Variants in AKAP19 observed in about 807,000 individuals in gnomAD.
AKAP19 encodes A-kinase anchoring protein 19.
chr2:190,018,115 T>G, the AKAP19 span, among the ~76,000 whole-genome samples: 1 of 152,166 alleles, frequency 6.6e-6, no homozygotes, highest in Non-Finnish European at 1.5e-5. Flanking sequence ...GATTCTTATG[T>G]GTCATGGTGA....
chr2:189,928,484 A>C, the AKAP19 span, among the ~76,000 whole-genome samples: 1 of 152,160 alleles, frequency 6.6e-6, no homozygotes, highest in Non-Finnish European at 1.5e-5. Flanking sequence ...ATCACAGATA[A>C]TATTTCACAA....
the AKAP19 span, among the ~76,000 whole-genome samples, chr2:190,007,762 AC>A: frequency 5.5e-4 from 84 of 152,274 alleles, no homozygotes; most frequent in African/African-American, 1.9e-3. Flanking sequence ...GGAGTTCGAG[AC>A]CAGCCGGGGC....
chr2:190,184,713 G>A, the AKAP19 span, among the ~76,000 whole-genome samples: 1 of 152,120 alleles, frequency 6.6e-6, no homozygotes, highest in Non-Finnish European at 1.5e-5. Flanking sequence ...CAGGGGAAAG[G>A]GTGCTGGGTG....
At chr2:190,022,082 G>GATCCATTA in the AKAP19 span, among the ~76,000 whole-genome samples, 5,208 of 152,098 alleles carry the variant, frequency 0.034, 280 homozygotes, top group African/African-American at 0.11. Context: ...ACAAGCCATT[G>GATCCATTA]ATCCATTAAT....
At chr2:190,013,320 T>C in the AKAP19 span, among the ~76,000 whole-genome samples, 1 of 152,294 alleles carries the variant, frequency 6.6e-6, no homozygotes, top group South Asian at 2.1e-4. Context: ...TTTTCTTTCT[T>C]CATGATTCAG....
chr2:189,978,379 G>A, the AKAP19 span, among the ~76,000 whole-genome samples: 4 of 152,132 alleles, frequency 2.6e-5, no homozygotes, highest in South Asian at 2.1e-4. Flanking sequence ...ACAACAGTTT[G>A]GGAGGCTGAG....
At chr2:190,063,077 A>G in the AKAP19 span, among the ~76,000 whole-genome samples, 1 of 152,176 alleles carries the variant, frequency 6.6e-6, no homozygotes, top group African/African-American at 2.4e-5. Context: ...TATTTAAAAT[A>G]TGAAATATTA....
At chr2:190,070,475 G>C in the AKAP19 span, among the ~76,000 whole-genome samples, 1 of 151,300 alleles carries the variant, frequency 6.6e-6, no homozygotes, top group Non-Finnish European at 1.5e-5. Flanking sequence ...CATTTAATTA[G>C]ATTTAGCATG....
At chr2:189,993,082 C>T in the AKAP19 span, among the ~76,000 whole-genome samples, 2 of 152,284 alleles carry the variant, frequency 1.3e-5, no homozygotes, top group South Asian at 4.1e-4. Context: ...AGTGGGCATC[C>T]TTGTCTTGTT....
the AKAP19 span, among the ~76,000 whole-genome samples, chr2:190,075,946 C>G: frequency 6.6e-6 from 1 of 152,060 alleles, no homozygotes; most frequent in Admixed American, 6.6e-5. Flanking sequence ...TTTATCTCCA[C>G]TATTGATTTA....
the AKAP19 span, chr2:189,879,715 T>C: frequency 6.6e-6 from 1 of 152,166 alleles, no homozygotes; most frequent in Non-Finnish European, 1.5e-5. Context: ...TTACCCGGAA[T>C]TAAGGGCGAG....
chr2:189,936,823 G>T, the AKAP19 span, among the ~76,000 whole-genome samples: 1 of 152,168 alleles, frequency 6.6e-6, no homozygotes, highest in South Asian at 2.1e-4. Context: ...TTTATATGAA[G>T]CTCTAGAAAA....
the AKAP19 span, among the ~76,000 whole-genome samples, chr2:189,972,857 G>T: frequency 6.6e-6 from 1 of 152,180 alleles, no homozygotes. Context: ...TGCTAAAGTT[G>T]CTTATCAGCT....
At chr2:190,056,270 A>G in the AKAP19 span, 1 of 152,546 alleles carries the variant, frequency 6.6e-6, no homozygotes, top group Non-Finnish European at 1.5e-5. Context: ...ATAAAAAAGG[A>G]GACACTTATT....
At chr2:190,113,576 C>T in the AKAP19 span, among the ~76,000 whole-genome samples, 1 of 152,218 alleles carries the variant, frequency 6.6e-6, no homozygotes, top group African/African-American at 2.4e-5. Flanking sequence ...AAGAACCTCT[C>T]ACCCTTATGA....
At chr2:189,955,294 T>G in the AKAP19 span, among the ~76,000 whole-genome samples, 1 of 151,940 alleles carries the variant, frequency 6.6e-6, no homozygotes, top group East Asian at 1.9e-4. Flanking sequence ...CGTATTTTGT[T>G]TTTGTTTTTT....
At chr2:190,024,885 T>C in the AKAP19 span, among the ~76,000 whole-genome samples, 1 of 152,212 alleles carries the variant, frequency 6.6e-6, no homozygotes, top group Non-Finnish European at 1.5e-5. Context: ...TAAATAGCTG[T>C]CTAATGCTAG....
chr2:190,100,239 C>T, the AKAP19 span, among the ~76,000 whole-genome samples: 1 of 151,328 alleles, frequency 6.6e-6, no homozygotes, highest in African/African-American at 2.5e-5. Context: ...GAAAATATCA[C>T]CTGCAAGAAA....
chr2:189,941,657 A>C, the AKAP19 span, among the ~76,000 whole-genome samples: 1 of 152,254 alleles, frequency 6.6e-6, no homozygotes, highest in Non-Finnish European at 1.5e-5. Context: ...CCACAATGCA[A>C]AAACCTGTAA....
Sources: allele counts gnomAD v4.1 joint callset (sites outside exome capture counted in the v4.1 genomes callset), GRCh38; gene constraint gnomAD v4.1.1; transcripts MANE v1.5; gene names NCBI Gene and HGNC (gene_info 2026-07-23, HGNC 2026-07-21).